SYNE2: variants seen among roughly 807,000 people sequenced by gnomAD.
The protein encoded by SYNE2 is nesprin-2.
In SYNE2, 431 loss-of-function variants were observed where a neutral mutation model predicts 856.3. The ratio of observed to expected loss-of-function variants is 0.50; its 90% CI spans 0.47 to 0.55. The LOEUF is 0.55. Ranked by LOEUF, SYNE2 falls within the 20% of genes least tolerant of loss-of-function variation. SYNE2 has a pLI of 0.00. For missense variants in SYNE2, 8,129 were observed against 8,023.2 expected (o/e 1.01, Z -0.50); for synonymous variants, 2,923 against 2,872.3 (o/e 1.02, Z -0.56).
At chr14:63,796,381 C>T (rs1327668989) in intron 1 of SYNE2, among the ~76,000 whole-genome samples, 3 of 152,052 alleles carry the variant, frequency 2.0e-5, no homozygotes, top group African/African-American at 4.8e-5. Context: ...CGCTTGAACC[C>T]GGGAAGCAGA....
intron 68 of SYNE2, among the ~76,000 whole-genome samples, chr14:64,121,467 G>A (rs935962039): frequency 1.2e-4 from 18 of 152,274 alleles, no homozygotes; most frequent in East Asian, 7.7e-4. Context: ...AGGTTGCAGC[G>A]AGCTAAGATC....
At chr14:64,116,241 G>T (rs985027622) in intron 66 of SYNE2, among the ~76,000 whole-genome samples, 2 of 151,946 alleles carry the variant, frequency 1.3e-5, no homozygotes, top group Non-Finnish European at 2.9e-5. Context: ...TGTAATATTT[G>T]AGAATTGTTT....
intron 111 of SYNE2, 162 bp from the exon 112 acceptor site, chr14:64,221,414 T>C: frequency 1.5e-6 from 2 of 1,295,398 alleles, no homozygotes; most frequent in Non-Finnish European, 2.2e-6. Context: ...TCTTCCTCAT[T>C]TTGGGGCCCT....
intron 45 of SYNE2, among the ~76,000 whole-genome samples, chr14:64,044,594 CATCTT>C (rs1217282157): frequency 6.6e-6 from 1 of 152,264 alleles, no homozygotes; most frequent in East Asian, 1.9e-4. Flanking sequence ...ACCCAAATCT[CATCTT>C]GAATTGTAAC....
At chr14:64,030,501 G>T (rs1034711166) in intron 44 of SYNE2, among the ~76,000 whole-genome samples, 1 of 152,138 alleles carries the variant, frequency 6.6e-6, no homozygotes, top group African/African-American at 2.4e-5. Flanking sequence ...TTCCTTTTCA[G>T]TCTAGAGTTT....
At position 64,122,294 on chromosome 14, in the gene SYNE2, C is replaced by T. The variant is rs765595249; in HGVS notation, c.13289C>T (p.Ala4430Val). ...TTQESSASNQASSPENDVPDS... is the reference protein window; with the variant it reads ...TTQESSASNQVSSPENDVPDS... ...TTGTTCTTCTTCAAAAGCAACCAGGCATCCAGCCCTGAAAATGACGTTCCA... is the reference window on the plus strand; with the variant it reads ...TTGTTCTTCTTCAAAAGCAACCAGGTATCCAGCCCTGAAAATGACGTTCCA... Residue 4430 changes from alanine to valine, a missense_variant, in exon 70 of 116, where the codon GCA (alanine) becomes GTA (valine). By Grantham distance (64) the Ala-to-Val change is moderately conservative. Around this residue, in one of 3 missense-constraint regions of SYNE2, gnomAD observed 5,410 missense variants for 5,284.8 expected, o/e 1.02. Coordinates refer to ENST00000555002, the MANE Select transcript of SYNE2 (RefSeq NM_182914.3). 2 of 1,614,196 alleles carry T rather than the reference C, an allele frequency of 1.2e-6. No individual in the cohort carries two copies. The highest frequency in any genetic ancestry group is 2.2e-5 in the East Asian group (1 of 44,882).
chr14:63,863,639 T>C (rs1390585919), intron 1 of SYNE2, among the ~76,000 whole-genome samples: 1 of 152,160 alleles, frequency 6.6e-6, no homozygotes, highest in Non-Finnish European at 1.5e-5. Flanking sequence ...GCTGTTACTA[T>C]AGTATAATGG....
chr14:64,065,774 T>C (rs2097354617), intron 51 of SYNE2, 124 bp downstream of exon 51: 1 of 1,014,246 alleles, frequency 9.9e-7, no homozygotes, highest in Non-Finnish European at 1.5e-6. Flanking sequence ...ACATCACTTA[T>C]ACATGATACA....
intron 1 of SYNE2, among the ~76,000 whole-genome samples, chr14:63,792,569 G>C (rs1887771584): frequency 6.6e-6 from 1 of 152,062 alleles, no homozygotes; most frequent in Non-Finnish European, 1.5e-5. Flanking sequence ...GAAAAAAAGA[G>C]CTGGAATAAC....
chr14:63,830,059 T>A (rs1226972211), intron 1 of SYNE2, among the ~76,000 whole-genome samples: 1 of 152,200 alleles, frequency 6.6e-6, no homozygotes. Flanking sequence ...AATGAAGTGC[T>A]GATACATAGA....
intron 11 of SYNE2, among the ~76,000 whole-genome samples, chr14:63,969,335 A>AT (rs150514197): frequency 2.1e-4 from 17 of 81,610 alleles, no homozygotes; most frequent in East Asian, 9.4e-4. Flanking sequence ...TGCCTGGCTA[A>AT]TTTTTTTTTT....
intron 85 of SYNE2, among the ~76,000 whole-genome samples, chr14:64,156,657 C>T (rs1383457399): frequency 6.6e-6 from 1 of 151,774 alleles, no homozygotes; most frequent in Non-Finnish European, 1.5e-5. Flanking sequence ...CAGGGTTTCA[C>T]CATGTTGACC....
chr14:64,195,877 G>A (rs2098538672), intron 99 of SYNE2, among the ~76,000 whole-genome samples: 1 of 152,224 alleles, frequency 6.6e-6, no homozygotes, highest in Non-Finnish European at 1.5e-5. Context: ...CACAGGGAGA[G>A]CCAGATGTGA....
intron 7 of SYNE2, among the ~76,000 whole-genome samples, chr14:63,950,808 C>T (rs1252522798): frequency 6.6e-6 from 1 of 151,952 alleles, no homozygotes; most frequent in Admixed American, 6.6e-5. Flanking sequence ...AGGTGCACAC[C>T]ACCATGTCTG....
chr14:64,068,954 G>A (rs1242000811), intron 51 of SYNE2, among the ~76,000 whole-genome samples: 1 of 151,988 alleles, frequency 6.6e-6, no homozygotes, highest in African/African-American at 2.4e-5. Flanking sequence ...ACCAGAGCTT[G>A]GGACTGAGGC....
At chr14:64,045,225 T>C (rs1475287965) in intron 45 of SYNE2, among the ~76,000 whole-genome samples, 1 of 152,008 alleles carries the variant, frequency 6.6e-6, no homozygotes, top group South Asian at 2.1e-4. Context: ...CTTTTGGGGG[T>C]AATTTCAGGT....
rs2098397155 is a variant in SYNE2, at chr14:64,168,968, A to G, written c.16997A>G (p.Asn5666Ser). 3.7e-6 allele frequency: 6 copies of G among 1,612,548 alleles called. No individual in the cohort carries two copies. The East Asian group carries it at 1.3e-4, about 36-fold the overall frequency. Reference sequence around the variant, plus strand: ...CTCCTGGACACAACAGAAATAGAGAACAGGTGAGCTGTCTGGGCCTCATGA... The same window carrying G: ...CTCCTGGACACAACAGAAATAGAGAGCAGGTGAGCTGTCTGGGCCTCATGA... The part of the protein sequence containing the change: ...LQLLDTTEIE[N>S]RPEFITEFSK... The change falls in exon 93 of 116, where the codon AAC (asparagine) becomes AGC (serine). Residue 5666 changes from asparagine (N) to serine (S), a missense_variant. Around this residue, in one of 3 missense-constraint regions of SYNE2, gnomAD observed 5,410 missense variants for 5,284.8 expected, o/e 1.02. Transcript: ENST00000555002.
intron 51 of SYNE2, among the ~76,000 whole-genome samples, chr14:64,066,905 C>G (rs967246068): frequency 6.6e-6 from 1 of 152,112 alleles, no homozygotes; most frequent in Non-Finnish European, 1.5e-5. Context: ...GCTGTAAACC[C>G]CTGTAGGCTG....
Position 64,049,886 on chromosome 14 carries a change from A to G in SYNE2, c.7643+10A>G, listed in dbSNP as rs760598374. 1.1e-5 allele frequency: 17 copies of G among 1,613,302 alleles called. No individual in the cohort carries two copies. The highest frequency in any genetic ancestry group is 1.4e-5 in the Non-Finnish European group (17 of 1,179,488). On this transcript the variant is annotated intron_variant, in intron 47 of 115. Coordinates refer to ENST00000555002, the MANE Select transcript of SYNE2 (RefSeq NM_182914.3). The stretch of plus-strand genomic sequence containing the variant: ...AGGAAAGTCTTAAAGTGTAAGTGTA[A>G]GAATTTAGGACTTGCATTCTTTTTA...
Sources: gnomAD v4.1 joint callset for allele counts (sites outside exome capture counted in the v4.1 genomes callset) on GRCh38, gnomAD v4.1.1 for gene constraint, gnomAD v4.1.1 regional missense constraint, MANE v1.5 for transcripts, NCBI Gene and HGNC (gene_info 2026-07-23, HGNC 2026-07-21) for gene names.